DYM: variants seen among roughly 807,000 people sequenced by gnomAD.
The protein encoded by DYM is dymeclin.
DYM carries 78 observed loss-of-function variants against 93.1 expected under a neutral mutation model. The observed-to-expected ratio is 0.84, with a 90% CI of 0.70 to 1.01. The LOEUF (loss-of-function observed/expected upper bound fraction) is 1.01, where lower values mean the gene tolerates loss of function less well. Ranked by LOEUF, DYM falls within the 50% of genes least tolerant of loss-of-function variation. DYM has a pLI of 0.00. For synonymous variants in DYM, 321 were observed against 319.7 expected, an observed-to-expected ratio of 1.00 and a Z score of -0.04; for missense variants, 789 against 845.0, an observed-to-expected ratio of 0.93 and a Z score of 0.82.
In DYM at chr18:49,277,801, T is replaced by G. The variant is rs553728611; in HGVS notation, c.1125+4196A>C. 3.9e-5 allele frequency among the ~76,000 whole-genome samples: 6 copies of G among 152,366 alleles called. No individual in the cohort carries two copies. In the East Asian group the frequency reaches 1.2e-3, roughly 29 times the overall value. Reference sequence around the variant, plus strand: ...GTTTAAGCACCAGTCTATGGTATGTTTGTTAAAGCAGTCAGGCCAGACTAA... The same window carrying G: ...GTTTAAGCACCAGTCTATGGTATGTGTGTTAAAGCAGTCAGGCCAGACTAA... On this transcript the variant is annotated intron_variant, in intron 10 of 17. Transcript: ENST00000675505.
intron 13 of DYM, among the ~76,000 whole-genome samples, chr18:49,241,123 G>A (rs2093998392): frequency 6.6e-6 from 1 of 152,156 alleles, no homozygotes; most frequent in African/African-American, 2.4e-5. Context: ...AGACTCCATG[G>A]ACTCTCTGTG....
intron 2 of DYM, among the ~76,000 whole-genome samples, chr18:49,409,274 A>G (rs1194981102): frequency 1.4e-5 from 2 of 144,930 alleles, no homozygotes; most frequent in African/African-American, 2.6e-5. Context: ...ACAGAGTGAG[A>G]CTCTGTCTCA....
chr18:49,217,647 C>A lies in DYM; in HGVS notation c.1461-7932G>T, dbSNP rs1300502737. On this transcript the variant is annotated intron_variant, in intron 13 of 17. Transcript: ENST00000675505. ...TTTCAACCCAGAATTTCATATCCAGCCAAACTAAGCTTCATAAGTGAAGGA... is the reference window on the plus strand; with the variant it reads ...TTTCAACCCAGAATTTCATATCCAGACAAACTAAGCTTCATAAGTGAAGGA... Among the ~76,000 whole-genome samples the A allele has an allele frequency of 5.3e-5, 8 of 152,238 alleles. No homozygotes were observed. The East Asian group carries it at 1.3e-3, about 26-fold the overall frequency.
chr18:49,317,370 C>A (rs978406883), intron 8 of DYM, among the ~76,000 whole-genome samples: 1 of 152,016 alleles, frequency 6.6e-6, no homozygotes, highest in African/African-American at 2.4e-5. Context: ...CAGTCAAATT[C>A]TCAGAGAAGA....
intron 13 of DYM, among the ~76,000 whole-genome samples, chr18:49,251,099 T>A (rs2094277156): frequency 6.6e-6 from 1 of 152,254 alleles, no homozygotes; most frequent in Admixed American, 6.5e-5. Flanking sequence ...CCACGTATTG[T>A]CAAATGTCCC....
intron 8 of DYM, among the ~76,000 whole-genome samples, chr18:49,328,634 T>C (rs1052809386): frequency 7.2e-5 from 11 of 152,082 alleles, no homozygotes; most frequent in South Asian, 2.1e-4. Context: ...AGGATATGAA[T>C]AGACACTTCT....
chr18:49,172,361 T>C (rs1774527303), intron 14 of DYM, among the ~76,000 whole-genome samples: 1 of 152,230 alleles, frequency 6.6e-6, no homozygotes. Context: ...TACATACCTA[T>C]GAGTAAGATT....
chr18:49,140,018 T>TA (rs746273068), intron 15 of DYM, among the ~76,000 whole-genome samples: 9 of 152,202 alleles, frequency 5.9e-5, no homozygotes, highest in East Asian at 1.9e-4. Context: ...ACTCTGTACT[T>TA]ACGCCCACAG....
chr18:49,193,129 A>T (rs1361355953), intron 14 of DYM, among the ~76,000 whole-genome samples: 3 of 152,172 alleles, frequency 2.0e-5, no homozygotes, highest in Non-Finnish European at 4.4e-5. Context: ...ACATTGTATT[A>T]AAAAATCTTA....
At chr18:49,286,055 T>G (rs1019186955) in intron 9 of DYM, among the ~76,000 whole-genome samples, 2 of 152,190 alleles carry the variant, frequency 1.3e-5, no homozygotes, top group Non-Finnish European at 2.9e-5. Flanking sequence ...ATCTTTTTTT[T>G]TTGTTTTTGA....
chr18:49,403,020 C>T (rs757504217), intron 2 of DYM, among the ~76,000 whole-genome samples: 2 of 152,128 alleles, frequency 1.3e-5, no homozygotes, highest in Non-Finnish European at 2.9e-5. Context: ...GATGATATGG[C>T]AATGTGTGGA....
intron 13 of DYM, among the ~76,000 whole-genome samples, chr18:49,235,586 T>C (rs1471447082): frequency 6.6e-6 from 1 of 152,188 alleles, no homozygotes; most frequent in Non-Finnish European, 1.5e-5. Context: ...TGTGGCCCAA[T>C]TTTAAGAAAG....
intron 13 of DYM, among the ~76,000 whole-genome samples, chr18:49,225,050 C>A (rs932295036): frequency 7.2e-5 from 11 of 152,164 alleles, no homozygotes; most frequent in African/African-American, 2.6e-4. Flanking sequence ...TGGTGACCAA[C>A]AATTCTTTTC....
intron 1 of DYM, among the ~76,000 whole-genome samples, chr18:49,448,024 A>C (rs1020774430): frequency 6.6e-6 from 1 of 152,136 alleles, no homozygotes; most frequent in Non-Finnish European, 1.5e-5. Flanking sequence ...ACCTAGTGAA[A>C]TAGGAATCCT....
chr18:49,367,843 G>A (rs1243459174), intron 5 of DYM, among the ~76,000 whole-genome samples: 1 of 152,040 alleles, frequency 6.6e-6, no homozygotes, highest in Non-Finnish European at 1.5e-5. Context: ...TAGAAGTTCA[G>A]AATAAAATTG....
intron 15 of DYM, among the ~76,000 whole-genome samples, chr18:49,161,942 A>G (rs969763997): frequency 7.2e-5 from 11 of 152,252 alleles, no homozygotes; most frequent in Non-Finnish European, 1.2e-4. Context: ...CTGCAAACTC[A>G]GAACTAAAGA....
Position 49,097,528 on chromosome 18 carries a change from G to A in DYM, c.1912-13C>T. 6.2e-7 allele frequency: 1 copy of A among 1,610,098 alleles called. No individual in the cohort carries two copies. Among genetic ancestry groups the A allele is most frequent in the Non-Finnish European group, 8.5e-7 (1 of 1,176,808 alleles). On this transcript the variant is annotated splice_polypyrimidine_tract_variant and intron_variant, in intron 16 of 17. Transcript: ENST00000675505. ...AGAAGGAGATCACCTGTAATGTAAA[G>A]TGTTATTTTTTAAACAAGAAGAGGT...
chr18:49,273,503 T>C (rs2094765523), intron 10 of DYM, among the ~76,000 whole-genome samples: 1 of 152,152 alleles, frequency 6.6e-6, no homozygotes, highest in Non-Finnish European at 1.5e-5. Context: ...ACAGACCACA[T>C]ATATAACAGT....
intron 17 of DYM, among the ~76,000 whole-genome samples, chr18:49,056,563 A>T (rs1012071953): frequency 2.6e-5 from 4 of 152,168 alleles, no homozygotes; most frequent in Non-Finnish European, 5.9e-5. Context: ...TTAAAGACAG[A>T]GTCTCACTCT....
Sources: gnomAD v4.1 joint callset for allele counts (sites outside exome capture counted in the v4.1 genomes callset) on GRCh38, gnomAD v4.1.1 for gene constraint, MANE v1.5 for transcripts, NCBI Gene and HGNC (gene_info 2026-07-23, HGNC 2026-07-21) for gene names.